Variants in LAPTM5 observed in about 807,000 individuals in gnomAD.
LAPTM5 encodes the protein lysosomal protein transmembrane 5, also known as lysosomal-associated transmembrane protein 5.
A neutral mutation model predicts 30.1 loss-of-function variants in LAPTM5; 11 were observed. The observed-to-expected ratio is 0.37, with a 90% confidence interval of 0.23 to 0.60. The LOEUF is 0.60. Among genes scored for constraint, LAPTM5 ranks in the 20% least tolerant of loss-of-function variants. LAPTM5 has a pLI of 0.71. For synonymous variants in LAPTM5, 151 were observed against 137.9 expected, an observed-to-expected ratio of 1.10 and a Z score of -0.67; for missense variants, 324 against 332.5, an observed-to-expected ratio of 0.97 and a Z score of 0.20.
At chr1:30,735,478 A>T (rs1639873018) in intron 6 of LAPTM5, among the ~76,000 whole-genome samples, 1 of 152,140 alleles carries the variant, frequency 6.6e-6, no homozygotes, top group African/African-American at 2.4e-5. Flanking sequence ...CAGATACCAC[A>T]TAGCAAGGGG....
chr1:30,735,373 C>G, intron 6 of LAPTM5, 108 bp from the exon 7 acceptor site: 1 of 860,810 alleles, frequency 1.2e-6, no homozygotes, highest in Admixed American at 1.8e-5. Flanking sequence ...CAGAAGCCAG[C>G]ATCCAGCTGC....
At chr1:30,743,242 T>A (rs1215365307) in intron 1 of LAPTM5, among the ~76,000 whole-genome samples, 1 of 152,212 alleles carries the variant, frequency 6.6e-6, no homozygotes, top group Non-Finnish European at 1.5e-5. Context: ...CGACTGTAGG[T>A]TCCAGGCAGG....
intron 1 of LAPTM5, among the ~76,000 whole-genome samples, chr1:30,748,873 G>A (rs989115998): frequency 6.6e-6 from 1 of 152,244 alleles, no homozygotes; most frequent in African/African-American, 2.4e-5. Flanking sequence ...TCCCCTGTGG[G>A]ATCCTGGCCT....
chr1:30,755,959 T>G (rs1640203277), intron 1 of LAPTM5, among the ~76,000 whole-genome samples: 3 of 152,154 alleles, frequency 2.0e-5, no homozygotes, highest in African/African-American at 7.2e-5. Context: ...ATCTGCCCCC[T>G]GCTGTCACTC....
chr1:30,741,522 G>T (rs3748602), intron 3 of LAPTM5, 118 bp downstream of exon 3: 12,604 of 540,748 alleles, frequency 0.023, 721 homozygotes, highest in East Asian at 0.16. Flanking sequence ...TCTCCAGAAC[G>T]CAGGTGGGAC....
At chr1:30,750,546 A>G (rs7512767) in intron 1 of LAPTM5, among the ~76,000 whole-genome samples, 13,275 of 152,138 alleles carry the variant, frequency 0.087, 1,632 homozygotes, top group African/African-American at 0.27. Flanking sequence ...CATGAGTCCC[A>G]TATTTTTCTG....
intron 1 of LAPTM5, among the ~76,000 whole-genome samples, chr1:30,755,845 G>A (rs1351664152): frequency 1.3e-5 from 2 of 152,202 alleles, no homozygotes; most frequent in African/African-American, 2.4e-5. Context: ...AACATCAGAA[G>A]AGCGGCCACC....
At chr1:30,749,389 A>G (rs1640097064) in intron 1 of LAPTM5, among the ~76,000 whole-genome samples, 1 of 152,142 alleles carries the variant, frequency 6.6e-6, no homozygotes. Flanking sequence ...CTGATTTCTT[A>G]GTTTGGGTGG....
At chr1:30,733,982 T>C (rs905935352) in intron 7 of LAPTM5, 65 bp from the exon 8 acceptor site, 1 of 1,542,680 alleles carries the variant, frequency 6.5e-7, no homozygotes. Flanking sequence ...CAACCTGGGG[T>C]CATGGGACCC....
chr1:30,752,289 C>T (rs781259206), intron 1 of LAPTM5, among the ~76,000 whole-genome samples: 8 of 152,204 alleles, frequency 5.3e-5, no homozygotes, highest in Non-Finnish European at 8.8e-5. Context: ...ACCTGTTTTC[C>T]CATCTGCAAA....
intron 3 of LAPTM5, among the ~76,000 whole-genome samples, chr1:30,740,851 C>T (rs550571146): frequency 2.6e-5 from 4 of 152,248 alleles, no homozygotes; most frequent in East Asian, 1.9e-4. Flanking sequence ...GCAGGGTGGA[C>T]GCATTCCAAA....
At chr1:30,751,024 C>T (rs1275668933) in intron 1 of LAPTM5, among the ~76,000 whole-genome samples, 3 of 152,256 alleles carry the variant, frequency 2.0e-5, no homozygotes, top group South Asian at 4.1e-4. Flanking sequence ...GAGCTCAGAG[C>T]GAAGTCCTGG....
At chr1:30,740,423 C>CCCCCCCCCCCCA (rs1639953184) in intron 3 of LAPTM5, among the ~76,000 whole-genome samples, 1 of 147,300 alleles carries the variant, frequency 6.8e-6, no homozygotes, top group Non-Finnish European at 1.5e-5. Flanking sequence ...CACTCCCCAC[C>CCCCCCCCCCCCA]ACGCCCCGCA....
chr1:30,740,304 G>C (rs200738089), intron 3 of LAPTM5, among the ~76,000 whole-genome samples: 1 of 152,114 alleles, frequency 6.6e-6, no homozygotes, highest in Non-Finnish European at 1.5e-5. Flanking sequence ...GGGCTAGATC[G>C]GGGAAGGAGA....
Position 30,742,529 on chromosome 1 carries a change from G to A in LAPTM5, c.108C>T (p.Phe36=), listed in dbSNP as rs757686195. ...GGGCCACCTCTACTGAGTGCTCGATGAACAACAAGACGCTCATGATCTGGA... is the reference window on the plus strand; with the variant it reads ...GGGCCACCTCTACTGAGTGCTCGATAAACAACAAGACGCTCATGATCTGGA... ...IYHVIMSVLL[F]IEHSVEVAHG... Residue 36 remains phenylalanine (F), a synonymous_variant, in exon 2 of 8, where the codon TTC becomes TTT. Transcript: ENST00000294507. 49 of 1,613,548 alleles carry A rather than the reference G, an allele frequency of 3.0e-5. No individual in the cohort carries two copies. In the Admixed American group the frequency reaches 8.2e-4, roughly 27 times the overall value.
intron 1 of LAPTM5, among the ~76,000 whole-genome samples, chr1:30,755,350 A>G (rs1056569420): frequency 1.3e-5 from 2 of 151,960 alleles, no homozygotes; most frequent in Non-Finnish European, 2.9e-5. Context: ...AGAATTATCC[A>G]GCCCAAAATA....
chr1:30,743,795 G>GGTT (rs1553127162), intron 1 of LAPTM5, among the ~76,000 whole-genome samples: 33 of 107,850 alleles, frequency 3.1e-4, no homozygotes, highest in African/African-American at 1.2e-3. Context: ...GACTGTGTGG[G>GGTT]TTTTTTTTTT....
chr1:30,743,795 G>GGTTT (rs1553127162), intron 1 of LAPTM5, among the ~76,000 whole-genome samples: 2 of 107,852 alleles, frequency 1.9e-5, no homozygotes, highest in African/African-American at 3.7e-5. Context: ...GACTGTGTGG[G>GGTTT]TTTTTTTTTT....
intron 1 of LAPTM5, among the ~76,000 whole-genome samples, chr1:30,752,787 CT>C (rs1181308516): frequency 6.6e-6 from 1 of 152,134 alleles, no homozygotes; most frequent in Non-Finnish European, 1.5e-5. Flanking sequence ...ATAGAGACTC[CT>C]TCTTCAAATA....
Sources: gnomAD v4.1 joint callset for allele counts (sites outside exome capture counted in the v4.1 genomes callset) on GRCh38, gnomAD v4.1.1 for gene constraint, MANE v1.5 for transcripts, NCBI Gene and HGNC (gene_info 2026-07-23, HGNC 2026-07-21) for gene names.